The following TPGS2 variants were observed in gnomAD, a reference collection of about 807,000 sequenced individuals.
TPGS2 encodes the protein polyglutamylase subunit 2.
In TPGS2, 26 loss-of-function variants were observed where a neutral mutation model predicts 31.1. That is an observed-to-expected ratio of 0.84 (90% CI 0.61 to 1.16). TPGS2 has a LOEUF of 1.16. TPGS2 is among the 50% of genes most tolerant of loss of function. The pLI, the probability that TPGS2 is intolerant of heterozygous loss-of-function variation, is 0.00. For synonymous variants in TPGS2, 130 were observed against 136.6 expected (o/e 0.95, Z 0.34); for missense variants, 351 against 363.8 (o/e 0.96, Z 0.29).
In TPGS2 at chr18:36,818,960, AC is replaced by A. The variant is rs2045779944; in HGVS notation, c.98del (p.Gly33ValfsTer2). On this transcript the variant is annotated frameshift_variant, in exon 2 of 7. Transcript: ENST00000334295. LOFTEE classifies it high-confidence loss of function. ...GITRILESSP[G>X]VTEVTIIEKP... ...TTTCTATGATGGTCACCTCAGTCAC[AC>A]CTGGGGAAGATTCTGGAAGAGAAAA... is the stretch of plus-strand genomic sequence containing the variant. 2.5e-6 allele frequency: 4 copies of A among 1,613,362 alleles called. No individual in the cohort carries two copies. The highest frequency in any genetic ancestry group is 3.4e-6 in the Non-Finnish European group (4 of 1,179,598).
chr18:36,813,881 G>A (rs1353055998), intron 2 of TPGS2, among the ~76,000 whole-genome samples: 2 of 152,182 alleles, frequency 1.3e-5, no homozygotes, highest in Non-Finnish European at 2.9e-5. Flanking sequence ...GTAAGAGCAT[G>A]AAGTGAGGGG....
At chr18:36,814,577 T>C (rs1393092261) in intron 2 of TPGS2, among the ~76,000 whole-genome samples, 1 of 152,172 alleles carries the variant, frequency 6.6e-6, no homozygotes, top group African/African-American at 2.4e-5. Flanking sequence ...TTACTTATTT[T>C]ATACATGATG....
downstream of TPGS2, chr18:36,780,293 C>G (rs2043974586): frequency 7.1e-6 from 6 of 846,334 alleles, no homozygotes; most frequent in South Asian, 3.6e-4. Context: ...CTGTTGTTAA[C>G]CTAACATCTA....
At chr18:36,781,711 G>T, downstream of TPGS2, 1 of 928,254 alleles carries the variant, frequency 1.1e-6, no homozygotes, top group Non-Finnish European at 1.3e-6. Flanking sequence ...TAGGCAATGT[G>T]CAGTAGCATT....
chr18:36,794,289 T>C lies in TPGS2; in HGVS notation c.*2516A>G. 2 of 985,472 alleles carry C rather than the reference T, an allele frequency of 2.0e-6. No homozygotes were observed. The highest frequency in any genetic ancestry group is 2.4e-6 in the Non-Finnish European group (2 of 829,932). 61.0% of individuals were successfully genotyped at this position (985,472 alleles called of 1,614,324 possible). Reference sequence around the variant, plus strand: ...CACATCTTCATTTTGTACTGGATCCTGCACTGAGTGGAGTCAGTCCTGCTC... The same window carrying C: ...CACATCTTCATTTTGTACTGGATCCCGCACTGAGTGGAGTCAGTCCTGCTC... On this transcript the variant is annotated 3_prime_UTR_variant, in exon 7 of 7. Transcript: ENST00000334295.
At chr18:36,812,436 C>T (rs1488661176) in intron 2 of TPGS2, among the ~76,000 whole-genome samples, 1 of 152,096 alleles carries the variant, frequency 6.6e-6, no homozygotes, top group Non-Finnish European at 1.5e-5. Context: ...ATAATGAAGC[C>T]TCCATAAAAA....
chr18:36,810,550 G>A (rs1368587911), intron 2 of TPGS2, among the ~76,000 whole-genome samples: 6 of 152,268 alleles, frequency 3.9e-5, no homozygotes, highest in Non-Finnish European at 8.8e-5. Flanking sequence ...AAAGTGAATG[G>A]AGGAGGGTAA....
intron 2 of TPGS2, among the ~76,000 whole-genome samples, chr18:36,812,753 G>A (rs1401511308): frequency 6.6e-6 from 1 of 152,188 alleles, no homozygotes; most frequent in Non-Finnish European, 1.5e-5. Context: ...TGGAAGTGAG[G>A]GCAGTCTTGT....
In TPGS2 at chr18:36,828,692, G is replaced by A. The variant is rs1258294640; in HGVS notation, c.76C>T (p.Arg26Cys). ...TGCCCCCTTTCCTCACCTAGGATGC[G>A]CGTGATGCCCAGGGTCAGCTTCTCC... is the stretch of plus-strand genomic sequence containing the variant. ...HLEKLTLGIT[R>C]ILESSPGVTE... The change falls in exon 1 of 7, where the codon CGC becomes TGC. Residue 26 changes from arginine (R) to cysteine (C), a missense_variant. Arg to Cys is a radical substitution (Grantham distance 180). Transcript: ENST00000334295. The A allele has an allele frequency of 1.2e-6, 2 of 1,613,966 alleles. No individual in the cohort carries two copies. Among genetic ancestry groups the A allele is most frequent in the Non-Finnish European group, 8.5e-7 (1 of 1,179,992 alleles).
At chr18:36,781,301 A>G (rs1027970657), downstream of TPGS2, among the ~76,000 whole-genome samples, 1 of 152,186 alleles carries the variant, frequency 6.6e-6, no homozygotes, top group African/African-American at 2.4e-5. Flanking sequence ...CCATTGCAGC[A>G]GGTATTTCGA....
intron 1 of TPGS2, among the ~76,000 whole-genome samples, chr18:36,823,502 C>CCAGGCTGG (rs2045991593): frequency 7.3e-6 from 1 of 137,068 alleles, no homozygotes; most frequent in South Asian, 2.3e-4. Flanking sequence ...GCTCTGTCGC[C>CCAGGCTGG]CAGGCTGGAG....
chr18:36,808,587 G>A (rs952650030), intron 2 of TPGS2, among the ~76,000 whole-genome samples: 8 of 151,866 alleles, frequency 5.3e-5, no homozygotes, highest in East Asian at 1.9e-4. Context: ...GCAGTGAGCC[G>A]AGATTGTGCC....
chr18:36,791,207 A>G (rs894334134), downstream of TPGS2, among the ~76,000 whole-genome samples: 7 of 152,068 alleles, frequency 4.6e-5, no homozygotes, highest in Non-Finnish European at 1.0e-4. Flanking sequence ...CTCCCCAGCT[A>G]TGCTTCTTGT....
Position 36,794,961 on chromosome 18 carries a change from T to A in TPGS2, c.*1844A>T, listed in dbSNP as rs1300847586. 3.0e-6 allele frequency: 3 copies of A among 984,638 alleles called. No homozygotes were observed. Among genetic ancestry groups the A allele is most frequent in the Non-Finnish European group, 3.6e-6 (3 of 829,886 alleles). 61.0% of individuals were successfully genotyped at this position (984,638 alleles called of 1,614,324 possible). On this transcript the variant is annotated 3_prime_UTR_variant, in exon 7 of 7. Coordinates refer to ENST00000334295, the MANE Select transcript of TPGS2 (RefSeq NM_015476.4). ...AGAGGTCTCGCTATTTTAAAGCAAA[T>A]GAAGAAGCTGTTAATACGAAGCTCA...
At chr18:36,806,075 TTTTC>T (rs1337355673) in intron 3 of TPGS2, 2 of 152,300 alleles carry the variant, frequency 1.3e-5, no homozygotes, top group South Asian at 2.1e-4. Context: ...AAGCTCCATG[TTTTC>T]TTTATTTGCT....
Position 36,795,703 on chromosome 18 carries a change from G to GAAA in TPGS2, c.*1099_*1101dup. 3 of 985,440 alleles carry GAAA rather than the reference G, an allele frequency of 3.0e-6. 1 individual carries two copies. In the African/African-American group the frequency reaches 5.2e-5, roughly 17 times the overall value. The allele number at this position is 985,440 out of a possible 1,614,324, so 61.0% of individuals were successfully genotyped here. On this transcript the variant is annotated 3_prime_UTR_variant, in exon 7 of 7. Coordinates refer to ENST00000334295, the MANE Select transcript of TPGS2 (RefSeq NM_015476.4). ...TAGAGGTTCCCCCATATGTCAATGGGAAAATGATTTCTGAATTACAGGCAA... is the reference window on the plus strand; with the variant it reads ...TAGAGGTTCCCCCATATGTCAATGGGAAAAAAATGATTTCTGAATTACAGGCAA...
chr18:36,780,172 C>T, downstream of TPGS2: 2 of 1,231,842 alleles, frequency 1.6e-6, no homozygotes, highest in Non-Finnish European at 2.0e-6. Context: ...CTTGGAACGG[C>T]CTTCAGATCC....
chr18:36,781,944 G>A (rs376539700), downstream of TPGS2: 6 of 984,370 alleles, frequency 6.1e-6, no homozygotes, highest in East Asian at 4.5e-4. Context: ...GAATACATAG[G>A]GTATTAATAG....
rs542575044 is a variant in TPGS2 at position 36,784,250 on chromosome 18, C to T, written c.658-1119G>A. 5.8e-4 allele frequency among the ~76,000 whole-genome samples: 89 copies of T among 152,314 alleles called. 2 individuals are homozygous for T. Among genetic ancestry groups the T allele is most frequent in the Middle Eastern group, 3.4e-3 (1 of 292 alleles). ...TGATACAACCATCCCAAATGTGCAC[C>T]GCGCACCCGTTATGGAGGTAACTGT... On this transcript the variant is annotated intron_variant, in intron 6 of 6. Coordinates refer to the TPGS2 transcript ENST00000587129.
Sources: gnomAD v4.1 joint callset for allele counts (sites outside exome capture counted in the v4.1 genomes callset) on GRCh38, gnomAD v4.1.1 for gene constraint, MANE v1.5 for transcripts, NCBI Gene and HGNC (gene_info 2026-07-23, HGNC 2026-07-21) for gene names.